MPP1: variants seen among roughly 807,000 people sequenced by gnomAD.
MPP1 encodes the protein 55 kDa erythrocyte membrane protein.
A neutral mutation model predicts 38.2 loss-of-function variants in MPP1; 6 were observed. The ratio of observed to expected loss-of-function variants is 0.16; its 90% CI spans 0.09 to 0.31. MPP1 has a LOEUF of 0.31. Ranked by LOEUF, MPP1 falls within the 10% of genes least tolerant of loss-of-function variation. The probability of loss-of-function intolerance (pLI) is 1.00; values close to 1 mark genes in which losing one functional copy is unlikely to be tolerated. For synonymous variants in MPP1, 153 were observed against 146.3 expected (o/e 1.05, Z -0.33); for missense variants, 293 against 368.9 (o/e 0.79, Z 1.69).
chrX:154,802,522 C>G (rs185105749), intron 1 of MPP1, among the ~76,000 whole-genome samples: 42 of 111,225 alleles, frequency 3.8e-4, no homozygotes, highest in African/African-American at 1.2e-3. Flanking sequence ...TGCTTCAGGT[C>G]CTGGGGAAAG....
intron 1 of MPP1, among the ~76,000 whole-genome samples, chrX:154,798,841 T>C (rs2072229600): frequency 1.8e-5 from 2 of 111,547 alleles, no homozygotes; most frequent in African/African-American, 3.3e-5. Flanking sequence ...TTCAAGCGAT[T>C]CTCCTGCCTC....
chrX:154,797,914 C>T (rs1465389571), intron 1 of MPP1, among the ~76,000 whole-genome samples: 2 of 111,972 alleles, frequency 1.8e-5, no homozygotes, highest in Non-Finnish European at 3.8e-5. Context: ...GTGCTCAATA[C>T]TCAACAGTAA....
At position 154,779,260 on chromosome X, in the gene MPP1, C is replaced by G; in HGVS notation, c.1318G>C (p.Asp440His). The change falls in exon 12 of 12, where the codon GAT becomes CAT. Residue 440 changes from aspartate (D) to histidine (H), a missense_variant. Asp to His is a moderately conservative substitution (Grantham distance 81). Transcript: ENST00000369534. Reference protein sequence around the residue: ...FDLSLVNNGVDETLKKLQEAF... With the variant: ...FDLSLVNNGVHETLKKLQEAF... ...TCTTGTAATTTCTTAAGGGTTTCAT[C>G]AACACCATTATTGACCAGTGAGAGG... 3 of 1,211,696 alleles carry G rather than the reference C, an allele frequency of 2.5e-6. No homozygotes were observed.
intron 1 of MPP1, among the ~76,000 whole-genome samples, chrX:154,800,484 G>C (rs2072250172): frequency 9.0e-6 from 1 of 111,533 alleles, no homozygotes; most frequent in African/African-American, 3.3e-5. Flanking sequence ...AAAGGCTTTT[G>C]CTTCCACTGG....
chrX:154,790,986 C>T lies in MPP1; in HGVS notation c.408G>A (p.Ala136=), dbSNP rs781900984. The change falls in exon 4 of 12, where the codon GCG becomes GCA. Residue 136 remains alanine, a synonymous_variant. Transcript: ENST00000369534. ...TNHSVDQLQK[A]MKETKGMISL... ...ATCTAGCATAGAAAATACCCACCAT[C>T]GCCTTCTGCAGCTGATCCACTGAAT... is the stretch of plus-strand genomic sequence containing the variant. The T allele has an allele frequency of 8.6e-5, 104 of 1,207,858 alleles. No homozygotes were observed. Among genetic ancestry groups the T allele is most frequent in the South Asian group, 5.6e-4 (32 of 56,639 alleles).
intron 2 of MPP1, 128 bp from the exon 3 acceptor site, chrX:154,791,975 C>T (rs2072146704): frequency 2.1e-6 from 2 of 964,820 alleles, no homozygotes; most frequent in Non-Finnish European, 2.9e-6. Flanking sequence ...TCAACTAGAA[C>T]AGGCATGAAG....
At chrX:154,784,199 C>A in intron 7 of MPP1, 91 bp from the exon 8 acceptor site, 1 of 701,637 alleles carries the variant, frequency 1.4e-6, no homozygotes, top group Non-Finnish European at 2.2e-6. Flanking sequence ...CTCGCGACAT[C>A]TCAACAAGCA....
intron 1 of MPP1, chrX:154,792,522 G>A (rs1180816344): frequency 6.0e-6 from 2 of 330,937 alleles, no homozygotes; most frequent in Non-Finnish European, 1.1e-5. Flanking sequence ...CAGGGCAACA[G>A]AGTGAGACCC....
chrX:154,785,202 C>T (rs1470362776), intron 6 of MPP1, 45 bp from the exon 7 acceptor site: 2 of 931,593 alleles, frequency 2.1e-6, no homozygotes, highest in East Asian at 3.6e-5. Flanking sequence ...CTCCCCCTCC[C>T]CTCATACCCC....
chrX:154,788,485 C>A (rs1557267443), intron 5 of MPP1, among the ~76,000 whole-genome samples: 1 of 111,554 alleles, frequency 9.0e-6, no homozygotes, highest in Non-Finnish European at 1.9e-5. Context: ...TGAAAAAAAA[C>A]CCAACAAATC....
chrX:154,801,316 G>A (rs1260189865), intron 1 of MPP1, among the ~76,000 whole-genome samples: 3 of 112,209 alleles, frequency 2.7e-5, no homozygotes, highest in Non-Finnish European at 5.6e-5. Flanking sequence ...TCTGTTCCTG[G>A]TATTCTATTA....
chrX:154,795,336 T>C (rs1557268067), intron 1 of MPP1, among the ~76,000 whole-genome samples: 1 of 111,791 alleles, frequency 8.9e-6, no homozygotes, highest in Non-Finnish European at 1.9e-5. Context: ...GGATACACCA[T>C]GTAGGTAGGA....
intron 11 of MPP1, among the ~76,000 whole-genome samples, chrX:154,780,552 A>C (rs1482058870): frequency 8.8e-6 from 1 of 113,087 alleles, no homozygotes; most frequent in Non-Finnish European, 1.9e-5. Flanking sequence ...AGAAACAAGC[A>C]GTCTCACAGG....
intron 1 of MPP1, among the ~76,000 whole-genome samples, chrX:154,797,842 G>A (rs1283469834): frequency 9.0e-6 from 1 of 111,483 alleles, no homozygotes; most frequent in Non-Finnish European, 1.9e-5. Flanking sequence ...GCTACAGACC[G>A]GGAGAAACAT....
Position 154,799,601 on chromosome X carries a change from A to G in MPP1, c.102+5671T>C, listed in dbSNP as rs1488999553. 1.2e-5 allele frequency: 7 copies of G among 570,540 alleles called. No homozygotes were observed. In the African/African-American group the frequency reaches 1.4e-4, roughly 11 times the overall value. The allele number at this position is 570,540 out of a possible 1,213,427, so 47.0% of individuals were successfully genotyped here. On this transcript the variant is annotated intron_variant, in intron 1 of 11. Transcript: ENST00000369534. ...TCACAACCTCCACATCATCCTCTCA[A>G]AGCAGCCACCATCATCTGTAGTGGA...
chrX:154,801,782 A>AC (rs2072267912), intron 1 of MPP1, among the ~76,000 whole-genome samples: 2 of 89,123 alleles, frequency 2.2e-5, no homozygotes, highest in African/African-American at 9.6e-5. Flanking sequence ...AAAAAAAAAA[A>AC]AAAACAAAAA....
At chrX:154,785,475 A>C (rs1288381061) in intron 6 of MPP1, among the ~76,000 whole-genome samples, 1 of 111,528 alleles carries the variant, frequency 9.0e-6, no homozygotes, top group African/African-American at 3.3e-5. Flanking sequence ...TCTAAGAAAT[A>C]CACTGTACAT....
Position 154,791,798 on chromosome X carries a change from A to T in MPP1, c.296T>A (p.Ile99Asn). The change falls in exon 3 of 12, where the codon ATT (isoleucine) becomes AAT (asparagine). Residue 99 changes from isoleucine to asparagine, a missense_variant. Physicochemically the swap from Ile to Asn is moderately radical, Grantham distance 149. Transcript: ENST00000369534. ...NEKQSCTVAR[I>N]LHGGMIHRQG... Reference sequence around the variant, plus strand: ...TCTATGGATCATGCCACCATGAAGAATTCTGGCCACCGTACAGGACTGTTT... The same window carrying T: ...TCTATGGATCATGCCACCATGAAGATTTCTGGCCACCGTACAGGACTGTTT... 1 of 1,211,366 alleles carries T rather than the reference A, an allele frequency of 8.3e-7. No homozygotes were observed. Among genetic ancestry groups the T allele is most frequent in the East Asian group, 3.0e-5 (1 of 33,855 alleles).
chrX:154,799,644 C>A, intron 1 of MPP1: 1 of 948,650 alleles, frequency 1.1e-6, no homozygotes, highest in Non-Finnish European at 1.4e-6. Flanking sequence ...GGCCACAGAG[C>A]TATGGCAGGC....
Sources: allele counts gnomAD v4.1 joint callset (sites outside exome capture counted in the v4.1 genomes callset), GRCh38; gene constraint gnomAD v4.1.1; transcripts MANE v1.5; gene names NCBI Gene and HGNC (gene_info 2026-07-23, HGNC 2026-07-21).